TMEM181: variants seen among roughly 807,000 people sequenced by gnomAD.
TMEM181 encodes the protein G protein-coupled receptor 178.
Under a neutral mutation model 71.9 loss-of-function variants are expected in TMEM181, and 39 were observed. The observed-to-expected ratio is 0.54, with a 90% CI of 0.42 to 0.71. The LOEUF (loss-of-function observed/expected upper bound fraction) is 0.71. TMEM181 is among the 30% of genes least tolerant of loss of function. The pLI is 0.00. For missense variants in TMEM181, 595 were observed against 583.0 expected (o/e 1.02, Z -0.21); for synonymous variants, 245 against 228.8 (o/e 1.07, Z -0.64).
intron 6 of TMEM181, among the ~76,000 whole-genome samples, chr6:158,602,988 T>C (rs1175370793): frequency 2.0e-5 from 3 of 152,208 alleles, no homozygotes; most frequent in African/African-American, 7.2e-5. Flanking sequence ...TCTAATGTAA[T>C]AATGTTCTTC....
chr6:158,543,023 G>A (rs1393517773), intron 1 of TMEM181, among the ~76,000 whole-genome samples: 6 of 151,648 alleles, frequency 4.0e-5, no homozygotes, highest in Admixed American at 1.3e-4. Context: ...CTACAGGTGC[G>A]TGCCACCACG....
chr6:158,627,668 G>C (rs1195958432), intron 13 of TMEM181, among the ~76,000 whole-genome samples: 1 of 152,270 alleles, frequency 6.6e-6, no homozygotes, highest in Non-Finnish European at 1.5e-5. Flanking sequence ...TGCGTCGCTG[G>C]AGGCCAGCGT....
Position 158,545,022 on chromosome 6 carries a change from G to C in TMEM181, c.131+8157G>C, listed in dbSNP as rs147563566. On this transcript the variant is annotated intron_variant, in intron 1 of 16. Transcript: ENST00000367090. ...GAAAACGCCCCGGGGTGACGGTTTA[G>C]GAAGCTGGCACCTTAGAGCCGCACA... Among the ~76,000 whole-genome samples, 473 of 152,354 alleles carry C rather than the reference G, an allele frequency of 3.1e-3. 2 individuals are homozygous for C. Among genetic ancestry groups the C allele is most frequent in the Middle Eastern group, 0.02 (6 of 294 alleles).
chr6:158,585,015 A>G lies in TMEM181; in HGVS notation c.260-289A>G, dbSNP rs940912142. Reference sequence around the variant, plus strand: ...AAAATGTATGTGAGAAATTAAAAATATAAGTTCATTAGCCATGAAATATTT... The same window carrying G: ...AAAATGTATGTGAGAAATTAAAAATGTAAGTTCATTAGCCATGAAATATTT... On this transcript the variant is annotated intron_variant, in intron 4 of 16. Transcript: ENST00000684151. Among the ~76,000 whole-genome samples, 13 of 152,372 alleles carry G rather than the reference A, an allele frequency of 8.5e-5. No homozygotes were observed. In the South Asian group the frequency reaches 2.3e-3, roughly 27 times the overall value.
chr6:158,607,234 T>C lies in TMEM181; in HGVS notation c.574-10T>C. On this transcript the variant is annotated splice_polypyrimidine_tract_variant and intron_variant, in intron 7 of 16. Coordinates refer to ENST00000684151, the MANE Select transcript of TMEM181 (RefSeq NM_001376852.1). ...AAAGGCAGTAACTGGAGGCCTGATT[T>C]GGTTTGCAGTGCCTGTTTGCGCATT... The C allele has an allele frequency of 6.2e-7, 1 of 1,612,454 alleles. No individual in the cohort carries two copies. Among genetic ancestry groups the C allele is most frequent in the Non-Finnish European group, 8.5e-7 (1 of 1,178,604 alleles).
rs946049748 is a variant in TMEM181 at position 158,632,736 on chromosome 6, T to A, written c.*848T>A. On this transcript the variant is annotated 3_prime_UTR_variant, in exon 17 of 17. Coordinates refer to ENST00000684151, the MANE Select transcript of TMEM181 (RefSeq NM_001376852.1). ...GCAGTTTCTGCAATTCTGTTGAATA[T>A]GAAATGCCATAGAGCTTTATTTATT... is the stretch of plus-strand genomic sequence containing the variant. The A allele has an allele frequency of 6.6e-6, 1 of 152,254 alleles. No individual in the cohort carries two copies. The highest frequency in any genetic ancestry group is 2.4e-5 in the African/African-American group (1 of 41,466). The allele number at this position is 152,254 out of a possible 1,614,324, so 9.4% of individuals were successfully genotyped here. A position where few individuals can be genotyped will look rare whatever the true frequency, so the allele number is the denominator to read the frequency against.
At chr6:158,585,101 C>A (rs1054662743) in intron 4 of TMEM181, among the ~76,000 whole-genome samples, 1 of 151,968 alleles carries the variant, frequency 6.6e-6, no homozygotes, top group Non-Finnish European at 1.5e-5. Context: ...TGACATAGAC[C>A]CCCTGGGTGC....
chr6:158,542,413 C>G lies in TMEM181; in HGVS notation c.131+5548C>G, dbSNP rs559359535. ...CATCTTATATAATCTTCCCGACAAC[C>G]CTCAGAGGAAAATGAAGTCTAGCAA... On this transcript the variant is annotated intron_variant, in intron 1 of 16. Transcript: ENST00000367090. Among the ~76,000 whole-genome samples the G allele has an allele frequency of 3.3e-5, 5 of 152,272 alleles. No homozygotes were observed. The East Asian group carries it at 5.8e-4, about 18-fold the overall frequency.
At chr6:158,569,944 T>A (rs1273227127) in intron 1 of TMEM181, among the ~76,000 whole-genome samples, 5 of 152,186 alleles carry the variant, frequency 3.3e-5, no homozygotes, top group African/African-American at 1.2e-4. Context: ...CAACGTTCCT[T>A]CTCATTTGCT....
At chr6:158,624,760 G>C (rs1028635413) in intron 11 of TMEM181, among the ~76,000 whole-genome samples, 4 of 152,332 alleles carry the variant, frequency 2.6e-5, no homozygotes, top group Non-Finnish European at 4.4e-5. Flanking sequence ...GCAGGGGCAG[G>C]GTGGGGAGCC....
chr6:158,608,565 T>C, intron 9 of TMEM181, 94 bp from the exon 10 acceptor site: 5 of 1,604,144 alleles, frequency 3.1e-6, no homozygotes, highest in Non-Finnish European at 4.3e-6. Flanking sequence ...CATGGAAGCC[T>C]GTCTGCAGGC....
chr6:158,560,847 A>G (rs1782127492), intron 1 of TMEM181, among the ~76,000 whole-genome samples: 2 of 150,772 alleles, frequency 1.3e-5, no homozygotes, highest in African/African-American at 2.4e-5. Flanking sequence ...TTTGAAGTCC[A>G]GGGTTTTTAA....
At position 158,568,111 on chromosome 6, in the gene TMEM181, A is replaced by G. The variant is rs549363839; in HGVS notation, c.9-5309A>G. ...AAGAGGAACTGGGGAGCAAGGACTC[A>G]GCTCTTCCTGGCTGGCTGAAAGTGT... On this transcript the variant is annotated intron_variant, in intron 1 of 16. Coordinates refer to ENST00000684151, the MANE Select transcript of TMEM181 (RefSeq NM_001376852.1). Among the ~76,000 whole-genome samples, 21 of 152,230 alleles carry G rather than the reference A, an allele frequency of 1.4e-4. No homozygotes were observed. In the Middle Eastern group the frequency reaches 0.01, roughly 74 times the overall value.
At chr6:158,551,671 A>G (rs1329817887) in intron 1 of TMEM181, among the ~76,000 whole-genome samples, 12 of 152,254 alleles carry the variant, frequency 7.9e-5, no homozygotes, top group Non-Finnish European at 8.8e-5. Context: ...AATCTTTAAG[A>G]TACATCAATA....
At chr6:158,551,086 A>G (rs1407448306) in intron 1 of TMEM181, among the ~76,000 whole-genome samples, 1 of 151,478 alleles carries the variant, frequency 6.6e-6, no homozygotes, top group Non-Finnish European at 1.5e-5. Flanking sequence ...CAGCCTCCCG[A>G]GTAGCTGGGA....
chr6:158,619,319 C>T (rs1298173137), intron 10 of TMEM181, among the ~76,000 whole-genome samples: 2 of 152,150 alleles, frequency 1.3e-5, no homozygotes, highest in East Asian at 3.8e-4. Flanking sequence ...TCACGTAGTT[C>T]TTATGCCATG....
intron 1 of TMEM181, among the ~76,000 whole-genome samples, chr6:158,539,877 G>A (rs150101227): frequency 3.7e-4 from 56 of 152,240 alleles, no homozygotes; most frequent in African/African-American, 1.3e-3. Flanking sequence ...TGGACAATCC[G>A]TTTCCACATC....
intron 10 of TMEM181, chr6:158,609,587 TC>T (rs547075916): frequency 7.6e-4 from 119 of 157,354 alleles, no homozygotes; most frequent in Non-Finnish European, 1.5e-3. Context: ...TTTTCTGTGT[TC>T]CAGTCGGCCT....
At chr6:158,565,144 G>A (rs1385356202) in intron 1 of TMEM181, among the ~76,000 whole-genome samples, 1 of 152,246 alleles carries the variant, frequency 6.6e-6, no homozygotes, top group Admixed American at 6.5e-5. Context: ...CTGCAGGACA[G>A]CAATTTGAGG....
Sources: gnomAD v4.1 joint callset for allele counts (sites outside exome capture counted in the v4.1 genomes callset) on GRCh38, gnomAD v4.1.1 for gene constraint, MANE v1.5 for transcripts, NCBI Gene and HGNC (gene_info 2026-07-23, HGNC 2026-07-21) for gene names.